The following TMEM230 variants were observed in gnomAD, a reference collection of about 807,000 sequenced individuals.
The protein encoded by TMEM230 is transmembrane protein 230.
In TMEM230, 10 loss-of-function variants were observed where a neutral mutation model predicts 15.8. The observed-to-expected ratio is 0.63, with a 90% CI of 0.39 to 1.07. TMEM230 has a LOEUF of 1.07. Ranked by LOEUF, TMEM230 falls within the 50% of genes least tolerant of loss-of-function variation. The probability of loss-of-function intolerance (pLI) is 0.01; values close to 1 mark genes in which losing one functional copy is unlikely to be tolerated. For synonymous variants in TMEM230, 67 were observed against 76.9 expected (o/e 0.87, Z 0.68); for missense variants, 165 against 193.3 (o/e 0.85, Z 0.87).
At chr20:5,075,218 A>C (rs559837949) in intron 3 of TMEM230, among the ~76,000 whole-genome samples, 70 of 151,644 alleles carry the variant, frequency 4.6e-4, no homozygotes, top group Non-Finnish European at 9.3e-4. Flanking sequence ...GGCATACGCC[A>C]CCAGGCCTGG....
chr20:5,071,152 G>A (rs1159641661), intron 3 of TMEM230, among the ~76,000 whole-genome samples: 2 of 152,080 alleles, frequency 1.3e-5, no homozygotes, highest in Non-Finnish European at 1.5e-5. Context: ...TTGGGAGTGC[G>A]GATACCTTTG....
At chr20:5,099,756 G>A, downstream of TMEM230, 1 of 738,380 alleles carries the variant, frequency 1.4e-6, no homozygotes, top group Non-Finnish European at 1.7e-6. Flanking sequence ...AGGGAAAGTT[G>A]AGTGTGACCC....
chr20:5,108,174 C>G (rs577427221), intron 3 of TMEM230, among the ~76,000 whole-genome samples: 237 of 152,182 alleles, frequency 1.6e-3, no homozygotes, highest in Non-Finnish European at 3.0e-3. Context: ...AATCCCAGCA[C>G]TTTGCGAGGC....
intron 3 of TMEM230, among the ~76,000 whole-genome samples, chr20:5,074,120 G>A (rs2088913636): frequency 6.6e-6 from 1 of 152,120 alleles, no homozygotes; most frequent in South Asian, 2.1e-4. Flanking sequence ...ATTTATGGGG[G>A]ATCTGCCCCC....
At chr20:5,104,982 A>G (rs951658898) in intron 4 of TMEM230, among the ~76,000 whole-genome samples, 1 of 152,224 alleles carries the variant, frequency 6.6e-6, no homozygotes, top group African/African-American at 2.4e-5. Context: ...TTTATTGTAC[A>G]TTTAAAAATA....
At chr20:5,083,049 T>G (rs917020590) in intron 3 of TMEM230, among the ~76,000 whole-genome samples, 1 of 151,344 alleles carries the variant, frequency 6.6e-6, no homozygotes, top group Non-Finnish European at 1.5e-5. Context: ...TGCCTCAGCC[T>G]CAAGAGTAGC....
intron 3 of TMEM230, among the ~76,000 whole-genome samples, chr20:5,069,945 A>G (rs1322043969): frequency 6.6e-6 from 1 of 152,102 alleles, no homozygotes; most frequent in Non-Finnish European, 1.5e-5. Context: ...CCTGGCCTCA[A>G]GTGATCTGCC....
At chr20:5,067,674 C>T (rs1445265560), downstream of TMEM230, among the ~76,000 whole-genome samples, 1 of 150,666 alleles carries the variant, frequency 6.6e-6, no homozygotes, top group Non-Finnish European at 1.5e-5. Context: ...GAACTCCCGA[C>T]CTCATGATCC....
chr20:5,080,526 AG>A (rs2089149013), intron 3 of TMEM230, among the ~76,000 whole-genome samples: 2 of 152,064 alleles, frequency 1.3e-5, no homozygotes, highest in African/African-American at 2.4e-5. Context: ...ATGTAGAAAA[AG>A]GAAGTCAAGT....
chr20:5,091,367 C>T (rs112719753), intron 3 of TMEM230, among the ~76,000 whole-genome samples: 30 of 152,232 alleles, frequency 2.0e-4, no homozygotes, highest in African/African-American at 6.7e-4. Context: ...TGCATCACTA[C>T]ACCTGGCTAA....
intron 4 of TMEM230, among the ~76,000 whole-genome samples, chr20:5,103,648 CA>C (rs1282006506): frequency 6.8e-6 from 1 of 148,004 alleles, no homozygotes; most frequent in Non-Finnish European, 1.5e-5. Flanking sequence ...AAAAAACAAA[CA>C]AAAAAACCAA....
rs370698287 is a variant in TMEM230, at chr20:5,086,464, G to A, written c.223-17115C>T. Among the ~76,000 whole-genome samples, 24 of 148,742 alleles carry A rather than the reference G, an allele frequency of 1.6e-4. No individual in the cohort carries two copies. In the South Asian group the frequency reaches 2.6e-3, roughly 16 times the overall value. On this transcript the variant is annotated intron_variant, in intron 3 of 3. Coordinates refer to the TMEM230 transcript ENST00000612323. Reference sequence around the variant, plus strand: ...TAAGGCTGGAGGATGGCATGAACCCGGGAGGCGCAGCTTGCAGTAAGACGA... The same window carrying A: ...TAAGGCTGGAGGATGGCATGAACCCAGGAGGCGCAGCTTGCAGTAAGACGA...
At chr20:5,103,768 T>G (rs1315114991) in intron 4 of TMEM230, among the ~76,000 whole-genome samples, 1 of 152,132 alleles carries the variant, frequency 6.6e-6, no homozygotes, top group Non-Finnish European at 1.5e-5. Context: ...TCAAATCTCT[T>G]GACATATACA....
intron 3 of TMEM230, among the ~76,000 whole-genome samples, chr20:5,080,277 T>C (rs967773491): frequency 6.6e-6 from 1 of 152,256 alleles, no homozygotes; most frequent in Admixed American, 6.5e-5. Context: ...TCTTGGTTTT[T>C]GTAAGTTGCA....
chr20:5,082,997 G>A (rs6053090), intron 3 of TMEM230, among the ~76,000 whole-genome samples: 80,632 of 148,978 alleles, frequency 0.54, 22,283 homozygotes, highest in East Asian at 0.84. Context: ...GCGCGATCTC[G>A]GCTCATTGCA....
At chr20:5,089,987 C>G (rs146344369) in intron 3 of TMEM230, among the ~76,000 whole-genome samples, 1 of 151,898 alleles carries the variant, frequency 6.6e-6, no homozygotes, top group African/African-American at 2.4e-5. Context: ...CTGCACTCCT[C>G]CCTGGGTGGC....
chr20:5,112,750 C>T, intron 1 of TMEM230: 1 of 1,459,430 alleles, frequency 6.9e-7, no homozygotes, highest in Non-Finnish European at 9.0e-7. Context: ...TACCCGTCTT[C>T]AGACCTTGCC....
chr20:5,092,728 A>G (rs1020684826), intron 3 of TMEM230, among the ~76,000 whole-genome samples: 1 of 152,012 alleles, frequency 6.6e-6, no homozygotes, highest in Non-Finnish European at 1.5e-5. Flanking sequence ...AAAAAAAAAA[A>G]AAAAGAGAGA....
intron 3 of TMEM230, among the ~76,000 whole-genome samples, chr20:5,082,644 T>C (rs1195067213): frequency 6.6e-6 from 1 of 151,958 alleles, no homozygotes; most frequent in Non-Finnish European, 1.5e-5. Flanking sequence ...GGTTTCACCA[T>C]GTTGGCCAGG....
Sources: allele counts gnomAD v4.1 joint callset (sites outside exome capture counted in the v4.1 genomes callset), GRCh38; gene constraint gnomAD v4.1.1; transcripts MANE v1.5; gene names NCBI Gene and HGNC (gene_info 2026-07-23, HGNC 2026-07-21).